KIAA1217: variants seen among roughly 807,000 people sequenced by gnomAD.
KIAA1217 encodes sickle tail protein homolog.
In KIAA1217, 88 loss-of-function variants were observed where a neutral mutation model predicts 163.9. The ratio of observed to expected loss-of-function variants is 0.54; its 90% CI spans 0.45 to 0.64. KIAA1217 has a LOEUF of 0.64. Ranked by LOEUF, KIAA1217 falls within the 30% of genes least tolerant of loss-of-function variation. The probability of loss-of-function intolerance (pLI) is 0.00; values close to 1 mark genes in which losing one functional copy is unlikely to be tolerated. For missense variants in KIAA1217, 2,372 were observed against 2,475.0 expected, an observed-to-expected ratio of 0.96 and a Z score of 0.88; for synonymous variants, 903 against 923.1, an observed-to-expected ratio of 0.98 and a Z score of 0.39.
chr10:24,453,944 A>T (rs2061575808), intron 5 of KIAA1217, among the ~76,000 whole-genome samples: 1 of 152,218 alleles, frequency 6.6e-6, no homozygotes, highest in Non-Finnish European at 1.5e-5. Flanking sequence ...TGATACAAAG[A>T]TATAGCCAAA....
intron 2 of KIAA1217, among the ~76,000 whole-genome samples, chr10:24,083,771 G>T (rs1426842702): frequency 6.6e-6 from 1 of 152,162 alleles, no homozygotes; most frequent in African/African-American, 2.4e-5. Flanking sequence ...ACTAGATAGT[G>T]GGGAGAGGGA....
intron 2 of KIAA1217, among the ~76,000 whole-genome samples, chr10:24,287,578 A>T (rs1001993227): frequency 2.0e-5 from 3 of 152,228 alleles, no homozygotes; most frequent in Non-Finnish European, 4.4e-5. Context: ...ATGTTCTTTC[A>T]TACTTACAGT....
At chr10:24,195,443 A>G (rs2066940019) in intron 2 of KIAA1217, among the ~76,000 whole-genome samples, 1 of 152,168 alleles carries the variant, frequency 6.6e-6, no homozygotes, top group Admixed American at 6.5e-5. Context: ...CCCAGAAAAC[A>G]GGGCTTTTGT....
At chr10:23,705,620 C>T (rs569311722) in intron 1 of KIAA1217, among the ~76,000 whole-genome samples, 58 of 152,134 alleles carry the variant, frequency 3.8e-4, no homozygotes, top group African/African-American at 1.4e-3. Context: ...ATGCCAGTAC[C>T]ACATTATCTT....
At chr10:24,165,459 G>A (rs754362885) in intron 2 of KIAA1217, among the ~76,000 whole-genome samples, 5 of 152,076 alleles carry the variant, frequency 3.3e-5, no homozygotes, top group Admixed American at 6.6e-5. Context: ...GAGAGGATTC[G>A]CCTAATCCCT....
chr10:23,923,089 C>T (rs1471074680), intron 1 of KIAA1217, among the ~76,000 whole-genome samples: 1 of 152,122 alleles, frequency 6.6e-6, no homozygotes, highest in Non-Finnish European at 1.5e-5. Context: ...TTATCCTTCA[C>T]CCCACTCCCA....
intron 2 of KIAA1217, among the ~76,000 whole-genome samples, chr10:24,332,095 G>A (rs372614818): frequency 3.5e-4 from 53 of 152,268 alleles, no homozygotes; most frequent in African/African-American, 1.2e-3. Flanking sequence ...GTCACGGCAC[G>A]TGATATCAGT....
chr10:23,725,969 T>A (rs1838108492), intron 1 of KIAA1217, among the ~76,000 whole-genome samples: 1 of 152,182 alleles, frequency 6.6e-6, no homozygotes, highest in Non-Finnish European at 1.5e-5. Flanking sequence ...AATTTCTTAA[T>A]TTGAAAACTA....
At chr10:23,829,249 A>G (rs1183146673) in intron 1 of KIAA1217, among the ~76,000 whole-genome samples, 3 of 152,134 alleles carry the variant, frequency 2.0e-5, no homozygotes, top group Non-Finnish European at 4.4e-5. Context: ...AGTTATGAAA[A>G]CAATTATTAT....
chr10:23,914,502 T>G (rs972774073), intron 1 of KIAA1217, among the ~76,000 whole-genome samples: 3 of 152,108 alleles, frequency 2.0e-5, no homozygotes, highest in East Asian at 3.9e-4. Flanking sequence ...TTTGTAGAGA[T>G]AGGGGTCTTG....
At chr10:24,246,312 G>C (rs983173382) in intron 2 of KIAA1217, among the ~76,000 whole-genome samples, 18 of 152,284 alleles carry the variant, frequency 1.2e-4, no homozygotes, top group African/African-American at 3.8e-4. Flanking sequence ...TTGCTGGTTA[G>C]ATTGCTTCTT....
chr10:23,702,692 C>G (rs540990510), intron 1 of KIAA1217, among the ~76,000 whole-genome samples: 273 of 151,856 alleles, frequency 1.8e-3, no homozygotes, highest in Non-Finnish European at 2.7e-3. Flanking sequence ...CACACACACA[C>G]ACACACACAC....
chr10:23,833,082 C>G (rs1838288737), intron 1 of KIAA1217, among the ~76,000 whole-genome samples: 1 of 152,082 alleles, frequency 6.6e-6, no homozygotes, highest in Non-Finnish European at 1.5e-5. Context: ...ATACTTAAAT[C>G]TATTTTTCTT....
intron 2 of KIAA1217, among the ~76,000 whole-genome samples, chr10:24,019,279 A>T (rs1422890286): frequency 6.6e-6 from 1 of 152,108 alleles, no homozygotes; most frequent in African/African-American, 2.4e-5. Flanking sequence ...CTATGTATAC[A>T]TATATCAAAA....
intron 2 of KIAA1217, among the ~76,000 whole-genome samples, chr10:24,338,705 G>A (rs2046698793): frequency 6.6e-6 from 1 of 152,116 alleles, no homozygotes; most frequent in Non-Finnish European, 1.5e-5. Context: ...CATTCTAGAA[G>A]CAAAACATGT....
At chr10:24,257,551 A>G (rs950175823) in intron 2 of KIAA1217, among the ~76,000 whole-genome samples, 1 of 152,138 alleles carries the variant, frequency 6.6e-6, no homozygotes, top group Admixed American at 6.5e-5. Flanking sequence ...AGTGAAGTCT[A>G]CCAAGTCTTG....
chr10:24,051,610 C>T (rs537796235), intron 2 of KIAA1217, among the ~76,000 whole-genome samples: 52 of 152,242 alleles, frequency 3.4e-4, no homozygotes, highest in African/African-American at 1.3e-3. Context: ...CCCATCAACG[C>T]CAACATCTGT....
At chr10:24,087,579 A>C (rs1368882098) in intron 2 of KIAA1217, among the ~76,000 whole-genome samples, 2 of 152,182 alleles carry the variant, frequency 1.3e-5, no homozygotes, top group Non-Finnish European at 2.9e-5. Context: ...CTGATAAATA[A>C]ATGAATTAGC....
chr10:23,841,513 A>T (rs1411923849), intron 1 of KIAA1217, among the ~76,000 whole-genome samples: 1 of 152,102 alleles, frequency 6.6e-6, no homozygotes, highest in Non-Finnish European at 1.5e-5. Flanking sequence ...GATCTGACTG[A>T]TGTTTACCTT....
Sources: gnomAD v4.1 joint callset for allele counts (sites outside exome capture counted in the v4.1 genomes callset) on GRCh38, gnomAD v4.1.1 for gene constraint, MANE v1.5 for transcripts, NCBI Gene and HGNC (gene_info 2026-07-23, HGNC 2026-07-21) for gene names.